Variants in ARHGAP12 observed in about 807,000 individuals in gnomAD.
ARHGAP12 encodes the protein rho GTPase-activating protein 12.
A neutral mutation model predicts 108.6 loss-of-function variants in ARHGAP12; 64 were observed. The ratio of observed to expected loss-of-function variants is 0.59; its 90% CI spans 0.48 to 0.73. The LOEUF (loss-of-function observed/expected upper bound fraction) is 0.73. Ranked by LOEUF, ARHGAP12 falls within the 30% of genes least tolerant of loss-of-function variation. ARHGAP12 has a pLI of 0.00. For synonymous variants in ARHGAP12, 312 were observed against 337.2 expected, an observed-to-expected ratio of 0.93 and a Z score of 0.82; for missense variants, 940 against 1,005.9, an observed-to-expected ratio of 0.93 and a Z score of 0.89.
At chr10:31,880,914 TTA>T (rs1837924792) in intron 3 of ARHGAP12, among the ~76,000 whole-genome samples, 1 of 146,910 alleles carries the variant, frequency 6.8e-6, no homozygotes, top group South Asian at 2.2e-4. Flanking sequence ...AAAAAAAAAA[TTA>T]GCCAGGTGTG....
intron 3 of ARHGAP12, among the ~76,000 whole-genome samples, chr10:31,906,578 G>C (rs549873138): frequency 1.3e-5 from 2 of 152,270 alleles, no homozygotes; most frequent in African/African-American, 4.8e-5. Context: ...CTTCTCATGA[G>C]AGCAGGGGAA....
intron 9 of ARHGAP12, among the ~76,000 whole-genome samples, chr10:31,836,012 T>A (rs1405068409): frequency 6.6e-6 from 1 of 152,096 alleles, no homozygotes; most frequent in Non-Finnish European, 1.5e-5. Context: ...TTACATAAGT[T>A]TTATCTGAAT....
chr10:31,806,347 G>A lies in ARHGAP12; in HGVS notation c.*1311C>T, dbSNP rs1260855779. On this transcript the variant is annotated 3_prime_UTR_variant, in exon 20 of 20. Coordinates refer to ENST00000344936, the MANE Select transcript of ARHGAP12 (RefSeq NM_018287.7). ...AGTTTTATTAGACATTTCATGTACAGAAGTTAATCTAGAAAAATACATTTT... is the reference window on the plus strand; with the variant it reads ...AGTTTTATTAGACATTTCATGTACAAAAGTTAATCTAGAAAAATACATTTT... 6.6e-6 allele frequency: 1 copy of A among 152,530 alleles called. No homozygotes were observed. Among genetic ancestry groups the A allele is most frequent in the Non-Finnish European group, 1.5e-5 (1 of 67,980 alleles). 9.4% of individuals were successfully genotyped at this position (152,530 alleles called of 1,614,324 possible).
chr10:31,859,302 G>GTC (rs1837019517), intron 4 of ARHGAP12, among the ~76,000 whole-genome samples: 1 of 152,156 alleles, frequency 6.6e-6, no homozygotes, highest in Non-Finnish European at 1.5e-5. Context: ...TAGTCCAAAA[G>GTC]GAAAGACCTA....
At chr10:31,908,057 C>T (rs925707442) in intron 3 of ARHGAP12, 115 bp downstream of exon 3, 9 of 1,012,864 alleles carry the variant, frequency 8.9e-6, no homozygotes, top group Non-Finnish European at 1.1e-5. Flanking sequence ...AACCCATGTA[C>T]TCTGAAAATA....
chr10:31,823,922 A>G (rs1312226325), intron 11 of ARHGAP12, among the ~76,000 whole-genome samples: 4 of 152,190 alleles, frequency 2.6e-5, no homozygotes, highest in Admixed American at 2.0e-4. Context: ...TATTTTACCT[A>G]TAACAGATCT....
intron 11 of ARHGAP12, among the ~76,000 whole-genome samples, chr10:31,824,503 T>C (rs1835532476): frequency 6.6e-6 from 1 of 152,186 alleles, no homozygotes; most frequent in Non-Finnish European, 1.5e-5. Flanking sequence ...CCTTGGCTGA[T>C]AAACAGAAAT....
intron 12 of ARHGAP12, among the ~76,000 whole-genome samples, chr10:31,818,990 A>C (rs1341630494): frequency 6.6e-6 from 1 of 152,152 alleles, no homozygotes; most frequent in Admixed American, 6.5e-5. Flanking sequence ...TGTTTACTGC[A>C]CATAAGATAC....
chr10:31,898,810 G>T (rs1364720113), intron 3 of ARHGAP12, among the ~76,000 whole-genome samples: 1 of 151,958 alleles, frequency 6.6e-6, no homozygotes, highest in Non-Finnish European at 1.5e-5. Flanking sequence ...CTAGGTTTGT[G>T]TAAGTACACT....
chr10:31,837,490 A>G (rs74127851), intron 9 of ARHGAP12, among the ~76,000 whole-genome samples: 1 of 152,224 alleles, frequency 6.6e-6, no homozygotes, highest in African/African-American at 2.4e-5. Flanking sequence ...ATTCAATGCA[A>G]TTAGTGACTT....
At chr10:31,927,261 C>T (rs2132517097) in intron 1 of ARHGAP12, among the ~76,000 whole-genome samples, 1 of 152,294 alleles carries the variant, frequency 6.6e-6, no homozygotes, top group African/African-American at 2.4e-5. Context: ...CTATTCAGAC[C>T]AGAGGAGGTA....
intron 3 of ARHGAP12, among the ~76,000 whole-genome samples, chr10:31,889,631 T>TG (rs965580911): frequency 1.5e-5 from 2 of 137,092 alleles, no homozygotes; most frequent in Non-Finnish European, 3.1e-5. Flanking sequence ...TTTTTTTTTT[T>TG]TTTTTTTTTT....
intron 1 of ARHGAP12, among the ~76,000 whole-genome samples, chr10:31,916,188 A>C (rs530255606): frequency 6.6e-6 from 1 of 152,234 alleles, no homozygotes; most frequent in East Asian, 1.9e-4. Context: ...ACAACTACTA[A>C]GTACCCAACT....
chr10:31,890,693 C>T (rs1303259361), intron 3 of ARHGAP12, among the ~76,000 whole-genome samples: 1 of 152,214 alleles, frequency 6.6e-6, no homozygotes, highest in Non-Finnish European at 1.5e-5. Flanking sequence ...ACACTATTAA[C>T]TGGCTATTCA....
chr10:31,925,594 T>A (rs1840002637), intron 1 of ARHGAP12, among the ~76,000 whole-genome samples: 1 of 152,208 alleles, frequency 6.6e-6, no homozygotes, highest in South Asian at 2.1e-4. Flanking sequence ...ATACATTGTA[T>A]AGCCATATCC....
At chr10:31,823,557 G>A (rs777257175) in intron 11 of ARHGAP12, among the ~76,000 whole-genome samples, 10 of 151,862 alleles carry the variant, frequency 6.6e-5, no homozygotes, top group Non-Finnish European at 1.2e-4. Flanking sequence ...TGTGCTCAGC[G>A]TTCCATTCAT....
intron 1 of ARHGAP12, among the ~76,000 whole-genome samples, chr10:31,920,492 TACGCAGCATA>T (rs1164686739): frequency 7.1e-6 from 1 of 141,780 alleles, no homozygotes; most frequent in Non-Finnish European, 1.5e-5. Flanking sequence ...AAGTAGCACT[TACGCAGCATA>T]CAAATGATGA....
intron 1 of ARHGAP12, among the ~76,000 whole-genome samples, chr10:31,911,397 C>A (rs1208817108): frequency 3.3e-5 from 5 of 152,218 alleles, no homozygotes; most frequent in Non-Finnish European, 5.9e-5. Context: ...TCACTGCAAC[C>A]TCCACCTCCT....
chr10:31,854,104 C>T lies in ARHGAP12; in HGVS notation c.1051G>A (p.Gly351Arg). Residue 351 changes from glycine (G) to arginine (R), a missense_variant, in exon 5 of 20, where the codon GGG becomes AGG. Coordinates refer to ENST00000344936, the MANE Select transcript of ARHGAP12 (RefSeq NM_018287.7). ...TAGTCACTGGTATATAAGGTATGCC[C>T]ACGTTCATCCAACTCTTCTGACCAA... is the stretch of plus-strand genomic sequence containing the variant. ...RGWSEELDER[G>R]HTLYTSDYTN... is the part of the protein sequence containing the mutation. 6.2e-7 allele frequency: 1 copy of T among 1,613,664 alleles called. No individual in the cohort carries two copies.
Sources: allele counts gnomAD v4.1 joint callset (sites outside exome capture counted in the v4.1 genomes callset), GRCh38; gene constraint gnomAD v4.1.1; transcripts MANE v1.5; gene names NCBI Gene and HGNC (gene_info 2026-07-23, HGNC 2026-07-21).